The following PLEKHH2 variants were observed in gnomAD, a reference collection of about 807,000 sequenced individuals.
PLEKHH2 encodes pleckstrin homology domain-containing family H member 2.
Under a neutral mutation model 187.9 loss-of-function variants are expected in PLEKHH2, and 129 were observed. The observed-to-expected ratio is 0.69, with a 90% CI of 0.59 to 0.79. PLEKHH2 has a LOEUF of 0.79. Ranked by LOEUF, PLEKHH2 falls within the 30% of genes least tolerant of loss-of-function variation. PLEKHH2 has a pLI of 0.00. For synonymous variants in PLEKHH2, 686 were observed against 605.6 expected (o/e 1.13, Z -1.95); for missense variants, 2,076 against 1,751.2 (o/e 1.19, Z -3.31).
At chr2:43,693,513 C>T (rs1668926661) in intron 4 of PLEKHH2, among the ~76,000 whole-genome samples, 1 of 152,028 alleles carries the variant, frequency 6.6e-6, no homozygotes, top group African/African-American at 2.4e-5. Flanking sequence ...ATCACGAGGT[C>T]AGGAGATCGA....
At chr2:43,726,581 C>G in intron 17 of PLEKHH2, 130 bp downstream of exon 17, 1 of 784,246 alleles carries the variant, frequency 1.3e-6, no homozygotes, top group Non-Finnish European at 2.0e-6. Context: ...CCTCTGTTTT[C>G]AGAGATTCTT....
intron 24 of PLEKHH2, among the ~76,000 whole-genome samples, chr2:43,750,369 G>A (rs1276892781): frequency 6.6e-6 from 1 of 152,162 alleles, no homozygotes; most frequent in East Asian, 1.9e-4. Context: ...CTACATGGGA[G>A]GCTGGGGCAG....
chr2:43,679,015 A>C (rs939599840), intron 3 of PLEKHH2, 90 bp downstream of exon 3: 3 of 790,266 alleles, frequency 3.8e-6, no homozygotes, highest in Admixed American at 2.0e-5. Flanking sequence ...TTATCAGCCC[A>C]CCTCTACATC....
At position 43,697,375 on chromosome 2, in the gene PLEKHH2, A is replaced by T; in HGVS notation, c.688+19A>T. ...ATGGAAGGTATTTATGAACTACAGG[A>T]ATTGACTTTGGCATTTTTTAAAAAG... On this transcript the variant is annotated intron_variant, in intron 7 of 29. Transcript: ENST00000282406. 1 of 1,569,172 alleles carries T rather than the reference A, an allele frequency of 6.4e-7. No individual in the cohort carries two copies. The highest frequency in any genetic ancestry group is 8.7e-7 in the Non-Finnish European group (1 of 1,155,296).
intron 8 of PLEKHH2, 113 bp downstream of exon 8, chr2:43,700,721 T>C (rs1473057015): frequency 5.3e-6 from 7 of 1,316,926 alleles, no homozygotes; most frequent in Non-Finnish European, 7.2e-6. Context: ...GGCGCGATCT[T>C]GGCTCACTGC....
intron 24 of PLEKHH2, among the ~76,000 whole-genome samples, chr2:43,752,634 T>C (rs936758088): frequency 1.3e-5 from 2 of 152,198 alleles, no homozygotes; most frequent in Non-Finnish European, 2.9e-5. Context: ...ATCTCTCTTT[T>C]CCAGCCACTG....
rs373524980 is a variant in PLEKHH2 at position 43,733,186 on chromosome 2, C to T, written c.2943+1584C>T. Reference sequence around the variant, plus strand: ...GACCATCCTGGCTAACACCATGAAACCCTGTCTCTACTTAAAAAATACAAA... The same window carrying T: ...GACCATCCTGGCTAACACCATGAAATCCTGTCTCTACTTAAAAAATACAAA... On this transcript the variant is annotated intron_variant, in intron 19 of 29. Coordinates refer to ENST00000282406, the MANE Select transcript of PLEKHH2 (RefSeq NM_172069.4). Among the ~76,000 whole-genome samples the T allele has an allele frequency of 1.6e-4, 24 of 152,146 alleles. No homozygotes were observed. The East Asian group carries it at 1.7e-3, about 11-fold the overall frequency.
intron 8 of PLEKHH2, among the ~76,000 whole-genome samples, chr2:43,702,527 C>CTTTTT (rs1167078689): frequency 0.01 from 597 of 57,354 alleles, 47 homozygotes; most frequent in African/African-American, 0.027. Context: ...CATTCTACTA[C>CTTTTT]TTTTTTTTTT....
intron 3 of PLEKHH2, among the ~76,000 whole-genome samples, chr2:43,692,009 T>G (rs1356420028): frequency 1.3e-5 from 2 of 152,216 alleles, no homozygotes; most frequent in African/African-American, 4.8e-5. Flanking sequence ...TTTTTATTTT[T>G]TATGATTCCA....
intron 2 of PLEKHH2, chr2:43,658,669 T>C (rs1454895764): frequency 6.6e-6 from 1 of 152,246 alleles, no homozygotes; most frequent in Non-Finnish European, 1.5e-5. Flanking sequence ...TCCACAGGAC[T>C]GCTTGAGGGT....
At position 43,757,517 on chromosome 2, in the gene PLEKHH2, A is replaced by G. The variant is rs927361351; in HGVS notation, c.3941+253A>G. Among the ~76,000 whole-genome samples, 3 of 150,170 alleles carry G rather than the reference A, an allele frequency of 2.0e-5. No homozygotes were observed. The Admixed American group carries it at 2.0e-4, about 10-fold the overall frequency. On this transcript the variant is annotated intron_variant, in intron 26 of 29. Transcript: ENST00000282406. ...TCACTGCAAGCTCCGCCTCCCGGGT[A>G]CAGCCATTCTCATGCCTCAGCCTCC...
intron 3 of PLEKHH2, among the ~76,000 whole-genome samples, chr2:43,688,401 C>A (rs1345377460): frequency 6.6e-6 from 1 of 152,202 alleles, no homozygotes; most frequent in Non-Finnish European, 1.5e-5. Flanking sequence ...AATCAGGAAT[C>A]TTTGTCATGC....
chr2:43,678,730 A>C, intron 2 of PLEKHH2, 133 bp from the exon 3 acceptor site: 1 of 613,264 alleles, frequency 1.6e-6, no homozygotes, highest in Non-Finnish European at 3.0e-6. Flanking sequence ...CCGTGGGTAG[A>C]GGTGGAAGTG....
intron 20 of PLEKHH2, among the ~76,000 whole-genome samples, chr2:43,739,229 T>A (rs951466077): frequency 6.6e-6 from 1 of 152,156 alleles, no homozygotes; most frequent in African/African-American, 2.4e-5. Context: ...CGAATTCCTT[T>A]GAATTCATTT....
At chr2:43,698,199 TTTGCTCCTTGCTTTCATGCCATTACTC>T (rs1342858504) in intron 7 of PLEKHH2, among the ~76,000 whole-genome samples, 3 of 152,128 alleles carry the variant, frequency 2.0e-5, no homozygotes, top group African/African-American at 4.8e-5. Flanking sequence ...CGAAGGCTCC[TTTGCTCCTTGCTTTCATGCCATTACTC>T]GCTTTGCTCT....
intron 2 of PLEKHH2, among the ~76,000 whole-genome samples, chr2:43,651,309 C>G (rs879816118): frequency 6.7e-6 from 1 of 150,278 alleles, no homozygotes; most frequent in Non-Finnish European, 1.5e-5. Flanking sequence ...CCTTGTGATC[C>G]ACCCGCCTCG....
intron 24 of PLEKHH2, among the ~76,000 whole-genome samples, chr2:43,752,138 T>A (rs1300067872): frequency 1.3e-5 from 2 of 152,176 alleles, no homozygotes; most frequent in East Asian, 3.9e-4. Flanking sequence ...ACTTCCTAAC[T>A]TCAAGTAGGG....
intron 7 of PLEKHH2, among the ~76,000 whole-genome samples, chr2:43,697,577 A>G (rs1669152423): frequency 6.6e-6 from 1 of 152,150 alleles, no homozygotes; most frequent in Non-Finnish European, 1.5e-5. Flanking sequence ...TTTCCTTCGT[A>G]ATATATTTTT....
intron 17 of PLEKHH2, among the ~76,000 whole-genome samples, chr2:43,728,577 T>A (rs371564553): frequency 0.12 from 6,054 of 51,598 alleles, 375 homozygotes; most frequent in African/African-American, 0.28. Flanking sequence ...TTTTTTTTTT[T>A]TTAAAACAGA....
Sources: allele counts gnomAD v4.1 joint callset (sites outside exome capture counted in the v4.1 genomes callset), GRCh38; gene constraint gnomAD v4.1.1; transcripts MANE v1.5; gene names NCBI Gene and HGNC (gene_info 2026-07-23, HGNC 2026-07-21).